KIAA1549: variants seen among roughly 807,000 people sequenced by gnomAD.
KIAA1549 encodes the protein UPF0606 protein KIAA1549.
Under a neutral mutation model 156.4 loss-of-function variants are expected in KIAA1549, and 70 were observed. The ratio of observed to expected loss-of-function variants is 0.45; its 90% CI spans 0.37 to 0.55. The LOEUF (loss-of-function observed/expected upper bound fraction) is 0.55, where lower values mean the gene tolerates loss of function less well. KIAA1549 is among the 20% of genes least tolerant of loss of function. The pLI is 0.00. For missense variants in KIAA1549, 2,428 were observed against 2,540.9 expected (o/e 0.96, Z 0.96); for synonymous variants, 1,103 against 1,066.4 (o/e 1.03, Z -0.67).
At chr7:138,969,432 G>A (rs904716574) in intron 1 of KIAA1549, among the ~76,000 whole-genome samples, 3 of 152,156 alleles carry the variant, frequency 2.0e-5, no homozygotes, top group Admixed American at 1.3e-4. Flanking sequence ...CGTCTTTGAG[G>A]TTCATCCATG....
rs557444676 is a variant in KIAA1549 at position 138,921,244 on chromosome 7, G to C, written c.188-1806C>G. On this transcript the variant is annotated intron_variant, in intron 1 of 19. Coordinates refer to ENST00000422774, the MANE Select transcript of KIAA1549 (RefSeq NM_001164665.2). ...CAAAAACAGGCATCGGTTTCTAATAGTGTCTGACTTGAGAACACCTTGGAC... is the reference window on the plus strand; with the variant it reads ...CAAAAACAGGCATCGGTTTCTAATACTGTCTGACTTGAGAACACCTTGGAC... Among the ~76,000 whole-genome samples the C allele has an allele frequency of 2.0e-4, 31 of 152,326 alleles. 1 individual carries two copies. The South Asian group carries it at 6.0e-3, about 30-fold the overall frequency.
intron 9 of KIAA1549, among the ~76,000 whole-genome samples, chr7:138,897,319 T>C (rs768791572): frequency 6.6e-6 from 1 of 152,154 alleles, no homozygotes; most frequent in African/African-American, 2.4e-5. Context: ...GCTTAAACCC[T>C]CCCATCATCT....
At chr7:138,899,473 A>G (rs1460148624) in intron 8 of KIAA1549, among the ~76,000 whole-genome samples, 1 of 152,224 alleles carries the variant, frequency 6.6e-6, no homozygotes, top group Non-Finnish European at 1.5e-5. Flanking sequence ...ATAAGAGAGC[A>G]TCATCCTCCC....
intron 1 of KIAA1549, among the ~76,000 whole-genome samples, chr7:138,957,054 G>T (rs1271852481): frequency 6.6e-6 from 1 of 152,184 alleles, no homozygotes; most frequent in Non-Finnish European, 1.5e-5. Flanking sequence ...CTTCCTGAGG[G>T]AAGTACAGAA....
intron 1 of KIAA1549, among the ~76,000 whole-genome samples, chr7:138,955,525 GAA>G (rs1813636918): frequency 6.6e-6 from 1 of 152,164 alleles, no homozygotes; most frequent in South Asian, 2.1e-4. Context: ...TTTGCAGGAT[GAA>G]AAGTGTCGTG....
chr7:138,874,758 C>T (rs1811031899), intron 12 of KIAA1549, among the ~76,000 whole-genome samples: 2 of 152,222 alleles, frequency 1.3e-5, no homozygotes, highest in East Asian at 1.9e-4. Flanking sequence ...AATCCCAGCA[C>T]TTTGATAGGC....
chr7:138,836,692 A>G lies in KIAA1549; in HGVS notation c.*1214T>C, dbSNP rs1427779528. ...ATGATCCCCTCTTAGCCCAAAGAGCATAAGACAATTTTAATAGCCACTCGA... is the reference window on the plus strand; with the variant it reads ...ATGATCCCCTCTTAGCCCAAAGAGCGTAAGACAATTTTAATAGCCACTCGA... On this transcript the variant is annotated 3_prime_UTR_variant, in exon 20 of 20. Coordinates refer to ENST00000422774, the MANE Select transcript of KIAA1549 (RefSeq NM_001164665.2). 1.4e-5 allele frequency: 3 copies of G among 217,962 alleles called. No homozygotes were observed. Among genetic ancestry groups the G allele is most frequent in the Admixed American group, 1.2e-4 (2 of 17,254 alleles). 13.5% of individuals were successfully genotyped at this position (217,962 alleles called of 1,614,324 possible).
intron 12 of KIAA1549, among the ~76,000 whole-genome samples, chr7:138,872,486 T>C (rs1323057317): frequency 6.6e-6 from 1 of 152,158 alleles, no homozygotes. Context: ...TTTTTGATAA[T>C]GAGGATTTTC....
intron 14 of KIAA1549, among the ~76,000 whole-genome samples, chr7:138,869,045 G>A (rs980697377): frequency 1.3e-5 from 2 of 152,226 alleles, no homozygotes; most frequent in Non-Finnish European, 2.9e-5. Context: ...TGGGAGACCA[G>A]GGGAAGGTAA....
intron 17 of KIAA1549, among the ~76,000 whole-genome samples, chr7:138,851,851 T>G (rs888355222): frequency 7.9e-5 from 12 of 152,300 alleles, no homozygotes; most frequent in African/African-American, 2.6e-4. Context: ...CCTAGGTGCT[T>G]CTTCTGGAAT....
chr7:138,914,725 A>G (rs1812267292), intron 2 of KIAA1549, among the ~76,000 whole-genome samples: 1 of 152,216 alleles, frequency 6.6e-6, no homozygotes, highest in Non-Finnish European at 1.5e-5. Context: ...AACAGCATGG[A>G]CACTCACACA....
intron 16 of KIAA1549, among the ~76,000 whole-genome samples, chr7:138,858,217 G>A (rs895346327): frequency 4.6e-5 from 7 of 151,740 alleles, no homozygotes; most frequent in Non-Finnish European, 7.4e-5. Context: ...GCCTCCCAGG[G>A]TCAAGTGATC....
chr7:138,971,952 T>C (rs1814232887), intron 1 of KIAA1549, among the ~76,000 whole-genome samples: 1 of 152,142 alleles, frequency 6.6e-6, no homozygotes, highest in Admixed American at 6.5e-5. Flanking sequence ...GGACGTGACC[T>C]GTTCCTAGCA....
At position 138,898,954 on chromosome 7, in the gene KIAA1549, C is replaced by T; in HGVS notation, c.3847+1G>A. The T allele has an allele frequency of 2.5e-6, 4 of 1,613,680 alleles. No individual in the cohort carries two copies. The highest frequency in any genetic ancestry group is 1.1e-5 in the South Asian group (1 of 91,068). On this transcript the variant is annotated splice_donor_variant, in intron 9 of 19. Coordinates refer to ENST00000422774, the MANE Select transcript of KIAA1549 (RefSeq NM_001164665.2). LOFTEE classifies it high-confidence loss of function. ...CAGACGACAACACCTCAGGCACTTA[C>T]GCTGGGCAATGACACCTTGAATTCG... is the stretch of plus-strand genomic sequence containing the variant.
At chr7:138,854,318 T>C (rs1810319593) in intron 16 of KIAA1549, among the ~76,000 whole-genome samples, 1 of 152,198 alleles carries the variant, frequency 6.6e-6, no homozygotes, top group African/African-American at 2.4e-5. Context: ...TAAGGTCTGC[T>C]TGTGAAGTGT....
At chr7:138,913,692 G>C (rs1052005101) in intron 2 of KIAA1549, among the ~76,000 whole-genome samples, 1 of 151,984 alleles carries the variant, frequency 6.6e-6, no homozygotes, top group Admixed American at 6.6e-5. Flanking sequence ...GGTGAGTGGA[G>C]GCTCCTTTAT....
chr7:138,884,491 G>A (rs1811335071), intron 10 of KIAA1549, among the ~76,000 whole-genome samples: 1 of 152,116 alleles, frequency 6.6e-6, no homozygotes, highest in Admixed American at 6.5e-5. Flanking sequence ...TATTAAAACC[G>A]AGATTATAAG....
chr7:138,861,437 G>A lies in KIAA1549; in HGVS notation c.4949C>T (p.Ala1650Val). The A allele has an allele frequency of 1.2e-6, 2 of 1,610,586 alleles. No individual in the cohort carries two copies. Among genetic ancestry groups the A allele is most frequent in the Non-Finnish European group, 8.5e-7 (1 of 1,178,420 alleles). The change falls in exon 16 of 20, where the codon GCC (alanine) becomes GTC (valine). Residue 1650 changes from alanine to valine, a missense_variant. Coordinates refer to ENST00000422774, the MANE Select transcript of KIAA1549 (RefSeq NM_001164665.2). Reference sequence around the variant, plus strand: ...CACCGAGGATGGTGTCTGCACATCGGCTGGGAGGTCAGGATCCGACTACAA... The same window carrying A: ...CACCGAGGATGGTGTCTGCACATCGACTGGGAGGTCAGGATCCGACTACAA... The part of the protein sequence containing the change: ...IGCPSDPDLP[A>V]DVQTPSSVEL...
At chr7:138,882,490 G>A (rs965571801) in intron 10 of KIAA1549, among the ~76,000 whole-genome samples, 5 of 152,230 alleles carry the variant, frequency 3.3e-5, no homozygotes, top group African/African-American at 1.2e-4. Flanking sequence ...TGTAGCTGGA[G>A]GTGAGGAACC....
Sources: gnomAD v4.1 joint callset for allele counts (sites outside exome capture counted in the v4.1 genomes callset) on GRCh38, gnomAD v4.1.1 for gene constraint, MANE v1.5 for transcripts, NCBI Gene and HGNC (gene_info 2026-07-23, HGNC 2026-07-21) for gene names.